Variants in AZI2 observed in about 807,000 individuals in gnomAD.
AZI2 encodes the protein 5-azacytidine-induced protein 2.
In AZI2, 22 loss-of-function variants were observed where a neutral mutation model predicts 45.8. That is an observed-to-expected ratio of 0.48 (90% confidence interval 0.34 to 0.69). The LOEUF (loss-of-function observed/expected upper bound fraction) is 0.69. AZI2 is among the 30% of genes least tolerant of loss of function. The pLI, the probability that AZI2 is intolerant of heterozygous loss-of-function variation, is 0.01. For synonymous variants in AZI2, 137 were observed against 156.7 expected, an observed-to-expected ratio of 0.87 and a Z score of 0.94; for missense variants, 417 against 441.5, an observed-to-expected ratio of 0.94 and a Z score of 0.50.
chr3:28,340,643 A>G, intron 1 of AZI2, 21 bp from the exon 2 acceptor site: 1 of 1,536,540 alleles, frequency 6.5e-7, no homozygotes. Flanking sequence ...GAAAAAAAAT[A>G]TGAGTGACAA....
At chr3:28,326,051 G>A (rs1358653769) in intron 7 of AZI2, among the ~76,000 whole-genome samples, 1 of 150,958 alleles carries the variant, frequency 6.6e-6, no homozygotes. Context: ...AAACTAGATG[G>A]TGATAATCTT....
At position 28,321,175 on chromosome 3, in the gene AZI2, GA is replaced by G. The variant is rs1703175384; in HGVS notation, c.*2866del. 6.6e-6 allele frequency: 1 copy of G among 151,356 alleles called. No individual in the cohort carries two copies. The highest frequency in any genetic ancestry group is 2.1e-4 in the South Asian group (1 of 4,834). 9.4% of individuals were successfully genotyped at this position (151,356 alleles called of 1,614,324 possible). On this transcript the variant is annotated 3_prime_UTR_variant, in exon 8 of 8. Coordinates refer to ENST00000479665, the MANE Select transcript of AZI2 (RefSeq NM_022461.5). ...AGCAGACAAAAGCAAAGCAAATATA[GA>G]AATCTAGAGACCACACAGCATAGGG... is the stretch of plus-strand genomic sequence containing the variant.
intron 1 of AZI2, among the ~76,000 whole-genome samples, chr3:28,345,634 A>G (rs949399356): frequency 2.0e-5 from 3 of 152,148 alleles, no homozygotes; most frequent in Non-Finnish European, 4.4e-5. Context: ...GTAGGTAGAA[A>G]TAAGAACAGT....
At chr3:28,342,077 T>C (rs1038681026) in intron 1 of AZI2, among the ~76,000 whole-genome samples, 3 of 152,104 alleles carry the variant, frequency 2.0e-5, no homozygotes, top group Non-Finnish European at 4.4e-5. Flanking sequence ...TCTTTTGCCT[T>C]ATTTCAGATC....
chr3:28,328,020 T>A (rs550706807), intron 6 of AZI2, among the ~76,000 whole-genome samples: 2 of 149,688 alleles, frequency 1.3e-5, no homozygotes, highest in East Asian at 3.9e-4. Context: ...CAGAATATAG[T>A]TTATATTTAA....
Position 28,336,835 on chromosome 3 carries a change from T to C in AZI2, c.490A>G (p.Ser164Gly). 1 of 1,613,246 alleles carries C rather than the reference T, an allele frequency of 6.2e-7. No individual in the cohort carries two copies. The highest frequency in any genetic ancestry group is 8.5e-7 in the Non-Finnish European group (1 of 1,179,538). ...PSSNWEVEKL[S>G]CDLKIHGLEQ... Reference sequence around the variant, plus strand: ...AAACCATGGATCTTCAGGTCACAGCTCAACTTTTCCACCTCCCAGTTTGAT... The same window carrying C: ...AAACCATGGATCTTCAGGTCACAGCCCAACTTTTCCACCTCCCAGTTTGAT... Residue 164 changes from serine (S) to glycine (G), a missense_variant, in exon 5 of 8, where the codon AGC becomes GGC. Transcript: ENST00000479665.
chr3:28,338,868 A>G (rs1283516869), intron 2 of AZI2, among the ~76,000 whole-genome samples: 3 of 152,228 alleles, frequency 2.0e-5, no homozygotes, highest in Non-Finnish European at 4.4e-5. Flanking sequence ...TTATAACATT[A>G]AATCATCATA....
chr3:28,324,574 G>A, intron 7 of AZI2, 120 bp from the exon 8 acceptor site: 1 of 936,682 alleles, frequency 1.1e-6, no homozygotes, highest in South Asian at 3.4e-5. Context: ...CCAAGTTAGT[G>A]TGATCATTGA....
chr3:28,327,740 CTTT>C (rs1244129560), intron 6 of AZI2, among the ~76,000 whole-genome samples: 1 of 150,446 alleles, frequency 6.6e-6, no homozygotes, highest in Non-Finnish European at 1.5e-5. Context: ...TCATGATTTT[CTTT>C]TTTTGCTGCT....
rs777401940 is a variant in AZI2 at position 28,331,584 on chromosome 3, T to A, written c.647+785A>T. The A allele has an allele frequency of 3.9e-6, 4 of 1,016,608 alleles. No homozygotes were observed. In the Admixed American group the frequency reaches 1.9e-4, roughly 48 times the overall value. The allele number at this position is 1,016,608 out of a possible 1,614,324, so 63.0% of individuals were successfully genotyped here. A position where few individuals can be genotyped will look rare whatever the true frequency, so the allele number is the denominator to read the frequency against. ...CATTTCCTCAAATTGTTTTTCCTAA[T>A]TGATCATTTCTCTAAAGCAGGTTTT... is the stretch of plus-strand genomic sequence containing the variant. On this transcript the variant is annotated intron_variant, in intron 6 of 7. Coordinates refer to ENST00000479665, the MANE Select transcript of AZI2 (RefSeq NM_022461.5).
intron 1 of AZI2, among the ~76,000 whole-genome samples, chr3:28,346,328 A>T (rs557704982): frequency 6.6e-6 from 1 of 152,212 alleles, no homozygotes; most frequent in South Asian, 2.1e-4. Flanking sequence ...CTAAGATGCC[A>T]CCTTACTAAA....
At chr3:28,345,985 T>G (rs561796624) in intron 1 of AZI2, among the ~76,000 whole-genome samples, 10 of 152,262 alleles carry the variant, frequency 6.6e-5, no homozygotes, top group African/African-American at 1.7e-4. Context: ...TTCTACCACT[T>G]AGCTAAGTAC....
At chr3:28,337,844 T>C in intron 4 of AZI2, 93 bp downstream of exon 4, 4 of 701,794 alleles carry the variant, frequency 5.7e-6, no homozygotes, top group Non-Finnish European at 8.6e-6. Context: ...AGTTAAGGTC[T>C]TAGCATATGG....
Position 28,337,983 on chromosome 3 carries a change from T to C in AZI2, c.393A>G (p.Lys131=). The C allele has an allele frequency of 6.2e-7, 1 of 1,602,862 alleles. No homozygotes were observed. The highest frequency in any genetic ancestry group is 2.2e-5 in the East Asian group (1 of 44,624). ...TCCTCAGCTGGAGGAGTTCTACTTC[T>C]TTAGATTGTAGCTGCTCATTCAATA... ...LKVLNEQLQS[K]EVELLQLRTE... is the part of the protein sequence containing the mutation. The change falls in exon 4 of 8, where the codon AAA becomes AAG. Residue 131 remains lysine, a synonymous_variant. Coordinates refer to ENST00000479665, the MANE Select transcript of AZI2 (RefSeq NM_022461.5).
chr3:28,338,605 C>T lies in AZI2; in HGVS notation c.227G>A (p.Arg76Gln), dbSNP rs957731886. The T allele has an allele frequency of 6.8e-6, 11 of 1,608,736 alleles. No individual in the cohort carries two copies. The highest frequency in any genetic ancestry group is 4.0e-5 in the African/African-American group (3 of 74,818). The change falls in exon 3 of 8, where the codon CGA (arginine) becomes CAA (glutamine). Residue 76 changes from arginine to glutamine, a missense_variant. Physicochemically the swap from Arg to Gln is conservative, Grantham distance 43. Transcript: ENST00000479665. ...IRFLEEKLIA[R>Q]FEEETSSVGR... ...CACGGAACTTGTTTCTTCTTCAAAT[C>T]GAGCTATTAGCTAACGGTATGAAAT...
intron 5 of AZI2, among the ~76,000 whole-genome samples, chr3:28,335,519 G>A (rs2125652264): frequency 6.6e-6 from 1 of 151,952 alleles, no homozygotes; most frequent in Non-Finnish European, 1.5e-5. Context: ...TCTAACGGGA[G>A]TTGACAGTAA....
chr3:28,340,317 A>T (rs758005390), intron 2 of AZI2, 85 bp downstream of exon 2: 1 of 924,504 alleles, frequency 1.1e-6, no homozygotes, highest in Non-Finnish European at 1.6e-6. Flanking sequence ...ATCATGGAAG[A>T]CAGGACAAAA....
At position 28,340,544 on chromosome 3, in the gene AZI2, G is replaced by A; in HGVS notation, c.74C>T (p.Pro25Leu). The A allele has an allele frequency of 6.2e-7, 1 of 1,613,034 alleles. No individual in the cohort carries two copies. The highest frequency in any genetic ancestry group is 8.5e-7 in the Non-Finnish European group (1 of 1,179,360). ...TTCATCTCCTGAATATATTGAAACT[G>A]GAGTCACTGTATCTCTCTTATGGGC... ...EKAHKRDTVT[P>L]VSIYSGDESV... Residue 25 changes from proline to leucine, a missense_variant, in exon 2 of 8, where the codon CCA becomes CTA. Physicochemically the swap from Pro to Leu is moderately conservative, Grantham distance 98. Transcript: ENST00000479665.
chr3:28,338,071 A>G (rs748420091), intron 3 of AZI2, 35 bp from the exon 4 acceptor site: 1 of 1,274,220 alleles, frequency 7.8e-7, no homozygotes, highest in South Asian at 1.4e-5. Flanking sequence ...ATTACATTCA[A>G]TAAAATCTAC....
Sources: allele counts gnomAD v4.1 joint callset (sites outside exome capture counted in the v4.1 genomes callset), GRCh38; gene constraint gnomAD v4.1.1; transcripts MANE v1.5; gene names NCBI Gene and HGNC (gene_info 2026-07-23, HGNC 2026-07-21).